RBFOX3: variants seen among roughly 807,000 people sequenced by gnomAD.
The protein encoded by RBFOX3 is RNA binding protein fox-1 homolog 3.
A neutral mutation model predicts 48.7 loss-of-function variants in RBFOX3; 17 were observed. The observed-to-expected ratio is 0.35, with a 90% CI of 0.24 to 0.52. The LOEUF is 0.52. Ranked by LOEUF, RBFOX3 falls within the 20% of genes least tolerant of loss-of-function variation. RBFOX3 has a pLI of 0.94. For missense variants in RBFOX3, 382 were observed against 497.5 expected (o/e 0.77, Z 2.21); for synonymous variants, 212 against 209.5 (o/e 1.01, Z -0.10).
intron 2 of RBFOX3, among the ~76,000 whole-genome samples, chr17:79,337,880 T>C (rs2081436652): frequency 6.6e-6 from 1 of 152,108 alleles, no homozygotes; most frequent in Non-Finnish European, 1.5e-5. Context: ...GTGGCAGGCA[T>C]GTGTCTCTTT....
the RBFOX3 span, among the ~76,000 whole-genome samples, chr17:79,631,907 C>A: frequency 6.6e-6 from 1 of 152,176 alleles, no homozygotes; most frequent in Admixed American, 6.5e-5. Flanking sequence ...GGGTACCCAG[C>A]AGATCCCTCA....
At chr17:79,633,395 G>A in the RBFOX3 span, among the ~76,000 whole-genome samples, 1 of 152,264 alleles carries the variant, frequency 6.6e-6, no homozygotes, top group Non-Finnish European at 1.5e-5. Context: ...CCTCCCCGGG[G>A]CGGCAGCTGC....
At chr17:79,291,732 G>A (rs774088760) in intron 3 of RBFOX3, among the ~76,000 whole-genome samples, 21 of 152,276 alleles carry the variant, frequency 1.4e-4, no homozygotes, top group East Asian at 5.8e-4. Context: ...GAGCCCCTGC[G>A]TTCACAGAAC....
chr17:79,618,666 G>A, the RBFOX3 span, among the ~76,000 whole-genome samples: 1 of 152,234 alleles, frequency 6.6e-6, no homozygotes, highest in African/African-American at 2.4e-5. Flanking sequence ...GGAGGATGGA[G>A]AAGAGACGGG....
At position 79,427,861 on chromosome 17, in the gene RBFOX3, C is replaced by T. The variant is rs114181436; in HGVS notation, c.-175+54593G>A. Among the ~76,000 whole-genome samples, 563 of 152,372 alleles carry T rather than the reference C, an allele frequency of 3.7e-3. 2 individuals are homozygous for T. The highest frequency in any genetic ancestry group is 0.013 in the African/African-American group (531 of 41,580). ...ACATGCACATATGCACACATGAACA[C>T]GTGTACACACGTCCCTGAGGATGCT... is the stretch of plus-strand genomic sequence containing the variant. On this transcript the variant is annotated intron_variant, in intron 2 of 14. Coordinates refer to ENST00000693108, the MANE Select transcript of RBFOX3 (RefSeq NM_001350451.2).
chr17:79,397,312 C>T (rs1483347293), intron 2 of RBFOX3, among the ~76,000 whole-genome samples: 2 of 152,018 alleles, frequency 1.3e-5, no homozygotes, highest in African/African-American at 4.8e-5. Flanking sequence ...GAAACCCTGT[C>T]TCTCCTAAAA....
At chr17:79,184,053 TC>T (rs1178132045) in intron 4 of RBFOX3, among the ~76,000 whole-genome samples, 2 of 152,244 alleles carry the variant, frequency 1.3e-5, no homozygotes, top group East Asian at 3.9e-4. Context: ...TCGTCCTGTT[TC>T]GCGTTCAGAG....
the RBFOX3 span, among the ~76,000 whole-genome samples, chr17:79,619,493 C>G: frequency 1.3e-5 from 2 of 152,182 alleles, no homozygotes; most frequent in East Asian, 1.9e-4. Context: ...CTTCATGCAG[C>G]CTTCTCCTCT....
intron 2 of RBFOX3, among the ~76,000 whole-genome samples, chr17:79,365,806 C>G (rs2057657266): frequency 6.6e-6 from 1 of 152,222 alleles, no homozygotes; most frequent in Admixed American, 6.5e-5. Flanking sequence ...GGGCAGGCAC[C>G]TGGCAGGGTC....
At position 79,477,530 on chromosome 17, in the gene RBFOX3, TG is replaced by T. The variant is rs1196142763; in HGVS notation, c.-175+4923del. On this transcript the variant is annotated intron_variant, in intron 2 of 14. Transcript: ENST00000693108. The surrounding 1 kb of genome is among the most constrained non-coding windows in gnomAD (Gnocchi z 4.8). The stretch of plus-strand genomic sequence containing the variant: ...GAGATCGCCCCATCGCACTCCAGCC[TG>T]GGCGACAGAGCGAAACTCCGTCACC... Among the ~76,000 whole-genome samples the T allele has an allele frequency of 2.7e-4, 40 of 150,260 alleles. No homozygotes were observed. The highest frequency in any genetic ancestry group is 8.1e-4 in the African/African-American group (33 of 40,662).
rs1317345269 is a variant in RBFOX3 at position 79,458,608 on chromosome 17, A to G, written c.-175+23846T>C. 4.9e-5 allele frequency among the ~76,000 whole-genome samples: 7 copies of G among 144,080 alleles called. No homozygotes were observed. In the East Asian group the frequency reaches 1.4e-3, roughly 29 times the overall value. 94.5% of individuals were successfully genotyped at this position (144,080 alleles called of 152,430 possible). On this transcript the variant is annotated intron_variant, in intron 2 of 14. Coordinates refer to ENST00000693108, the MANE Select transcript of RBFOX3 (RefSeq NM_001350451.2). The stretch of plus-strand genomic sequence containing the variant: ...GGGTTTATTTAATTAAAAAAAAAAA[A>G]GGTTGAAAACTAAGAATTGTCACAG...
intron 2 of RBFOX3, among the ~76,000 whole-genome samples, chr17:79,373,810 C>T (rs1454118012): frequency 6.6e-6 from 1 of 152,080 alleles, no homozygotes; most frequent in Non-Finnish European, 1.5e-5. Context: ...AGCGCAGGGA[C>T]CAGTTTCCTC....
chr17:79,442,282 GGAGA>G (rs1568258234), intron 2 of RBFOX3, among the ~76,000 whole-genome samples: 3 of 13,010 alleles, frequency 2.3e-4, no homozygotes, highest in Admixed American at 7.7e-4. Flanking sequence ...AGAGAGAGAG[GGAGA>G]GAGGGAGGGA....
intron 3 of RBFOX3, among the ~76,000 whole-genome samples, chr17:79,259,784 C>A (rs1330175952): frequency 6.6e-6 from 1 of 152,142 alleles, no homozygotes; most frequent in Admixed American, 6.5e-5. Flanking sequence ...CTCAGGGTCA[C>A]AGTAGCCGCA....
chr17:79,230,109 G>A (rs733213), intron 4 of RBFOX3, among the ~76,000 whole-genome samples: 1 of 151,976 alleles, frequency 6.6e-6, no homozygotes, highest in Non-Finnish European at 1.5e-5. Context: ...GGGGGGTGCC[G>A]CCCAGAGGCA....
intron 4 of RBFOX3, among the ~76,000 whole-genome samples, chr17:79,221,784 T>G (rs2059760429): frequency 6.6e-6 from 1 of 152,100 alleles, no homozygotes; most frequent in African/African-American, 2.4e-5. Context: ...CTGGCTCCCC[T>G]CCAAGGCCGC....
intron 8 of RBFOX3, 95 bp from the exon 9 acceptor site, chr17:79,101,739 G>T (rs1196826814): frequency 1.5e-5 from 16 of 1,054,720 alleles, no homozygotes; most frequent in Non-Finnish European, 2.0e-5. Context: ...GTTAGCCCCC[G>T]GCACCCCCCG....
chr17:79,103,012 T>C lies in RBFOX3; in HGVS notation c.507+150A>G. 1.6e-6 allele frequency: 1 copy of C among 633,132 alleles called. No homozygotes were observed. Among genetic ancestry groups the C allele is most frequent in the Non-Finnish European group, 2.8e-6 (1 of 352,742 alleles). The allele number at this position is 633,132 out of a possible 1,614,324, so 39.2% of individuals were successfully genotyped here. On this transcript the variant is annotated intron_variant, in intron 8 of 14. Coordinates refer to ENST00000693108, the MANE Select transcript of RBFOX3 (RefSeq NM_001350451.2). This position sits in a 1 kb window ranked among gnomAD's most constrained non-coding sequence, Gnocchi z 6.1. ...GGGCTCAGCCGGCAGCTGAGCACCC[T>C]GGCCTTAGTGCGACCCTTCCTCCCA...
At position 79,378,422 on chromosome 17, in the gene RBFOX3, G is replaced by A. The variant is rs190995348; in HGVS notation, c.-174-70598C>T. Among the ~76,000 whole-genome samples, 3 of 152,292 alleles carry A rather than the reference G, an allele frequency of 2.0e-5. No individual in the cohort carries two copies. In the East Asian group the frequency reaches 5.8e-4, roughly 29 times the overall value. On this transcript the variant is annotated intron_variant, in intron 2 of 14. Coordinates refer to ENST00000693108, the MANE Select transcript of RBFOX3 (RefSeq NM_001350451.2). ...CCCCAGACCATAACTTCCATCCCAA[G>A]AACAGGTAGAGGATATATTTAAATA... is the stretch of plus-strand genomic sequence containing the variant.
Sources: allele counts gnomAD v4.1 joint callset (sites outside exome capture counted in the v4.1 genomes callset), GRCh38; gene constraint gnomAD v4.1.1; non-coding constraint Gnocchi (gnomAD v3.1); transcripts MANE v1.5; gene names NCBI Gene and HGNC (gene_info 2026-07-23, HGNC 2026-07-21).